Variants in HS6ST2 observed in about 807,000 individuals in gnomAD.
HS6ST2 encodes heparan-sulfate 6-O-sulfotransferase 2.
Under a neutral mutation model 33.0 loss-of-function variants are expected in HS6ST2, and 17 were observed. The ratio of observed to expected loss-of-function variants is 0.52; its 90% CI spans 0.35 to 0.77. The LOEUF (loss-of-function observed/expected upper bound fraction) is 0.77, where lower values mean the gene tolerates loss of function less well. HS6ST2 is among the 30% of genes least tolerant of loss of function. HS6ST2 has a pLI of 0.01. For synonymous variants in HS6ST2, 248 were observed against 237.1 expected (o/e 1.05, Z -0.42); for missense variants, 519 against 551.7 (o/e 0.94, Z 0.59).
intron 2 of HS6ST2, among the ~76,000 whole-genome samples, chrX:132,922,351 T>A (rs1001678327): frequency 1.3e-4 from 15 of 112,017 alleles, no homozygotes; most frequent in Admixed American, 1.9e-4. Flanking sequence ...TCACCTTGGC[T>A]CAACCAAAAA....
intron 2 of HS6ST2, among the ~76,000 whole-genome samples, chrX:132,722,187 C>CAAAAAAAAA (rs1217492848): frequency 2.3e-5 from 1 of 44,301 alleles, no homozygotes; most frequent in Non-Finnish European, 4.0e-5. Flanking sequence ...GACTCCGTCT[C>CAAAAAAAAA]AAAAAAAAAA....
intron 2 of HS6ST2, among the ~76,000 whole-genome samples, chrX:132,919,697 A>G (rs1406238055): frequency 1.8e-5 from 2 of 111,837 alleles, no homozygotes; most frequent in Non-Finnish European, 3.8e-5. Flanking sequence ...GTAAATGGCC[A>G]TTGGAAATCT....
At chrX:132,633,945 G>T (rs192199175) in intron 4 of HS6ST2, among the ~76,000 whole-genome samples, 5 of 111,281 alleles carry the variant, frequency 4.5e-5, no homozygotes, top group Admixed American at 9.6e-5. Context: ...TCTTAATGTG[G>T]CCTCAGATCA....
chrX:132,936,713 G>C (rs1012199201), intron 2 of HS6ST2, among the ~76,000 whole-genome samples: 3 of 111,457 alleles, frequency 2.7e-5, no homozygotes, highest in Non-Finnish European at 1.9e-5. Flanking sequence ...GGTGGAGACT[G>C]GGAGGAGGAT....
chrX:132,863,832 A>G (rs773487567), intron 2 of HS6ST2, among the ~76,000 whole-genome samples: 1 of 111,766 alleles, frequency 8.9e-6, no homozygotes, highest in Non-Finnish European at 1.9e-5. Context: ...CCCTAAAAAT[A>G]TCCATCAGTA....
At chrX:132,878,466 A>G (rs1310511479) in intron 2 of HS6ST2, among the ~76,000 whole-genome samples, 2 of 112,463 alleles carry the variant, frequency 1.8e-5, no homozygotes, top group Non-Finnish European at 3.8e-5. Context: ...CTATCTGCCT[A>G]GGGATTTGGC....
chrX:132,775,544 T>C (rs2064948979), intron 2 of HS6ST2, among the ~76,000 whole-genome samples: 1 of 111,981 alleles, frequency 8.9e-6, no homozygotes, highest in African/African-American at 3.2e-5. Context: ...AAAAGATTTC[T>C]TTATGAGACA....
intron 2 of HS6ST2, among the ~76,000 whole-genome samples, chrX:132,709,503 C>T (rs1422213600): frequency 3.6e-5 from 4 of 110,720 alleles, no homozygotes; most frequent in East Asian, 2.8e-4. Flanking sequence ...GTCTCTGGTG[C>T]GGTTAAGCCC....
rs184654472 is a variant in HS6ST2 at position 132,628,256 on chromosome X, G to A, written c.1905C>T (p.Asn635=). ...ATTTCTCTACACTGCCTATGTAGTC[G>A]TTGGTGCCATTGCTGGTGTTATCAT... ...EQNDNTSNGT[N]DYIGSVEKWR The change falls in exon 5 of 5, where the codon AAC becomes AAT. Residue 635 remains asparagine (N), a synonymous_variant. Coordinates refer to ENST00000370833, the MANE Select transcript of HS6ST2 (RefSeq NM_001394073.1). 2.7e-5 allele frequency: 32 copies of A among 1,164,828 alleles called. No homozygotes were observed. In the East Asian group the frequency reaches 7.2e-4, roughly 26 times the overall value.
intron 4 of HS6ST2, among the ~76,000 whole-genome samples, chrX:132,631,547 T>C (rs963449449): frequency 9.0e-6 from 1 of 110,787 alleles, no homozygotes; most frequent in African/African-American, 3.3e-5. Flanking sequence ...TGCATACTTA[T>C]TGAGCCTTTA....
intron 2 of HS6ST2, among the ~76,000 whole-genome samples, chrX:132,763,128 C>T (rs1178103728): frequency 8.9e-6 from 1 of 111,749 alleles, no homozygotes; most frequent in Admixed American, 9.5e-5. Context: ...GCTACAGGCT[C>T]GAATAACTGA....
chrX:132,649,912 G>C (rs899849511), intron 4 of HS6ST2, among the ~76,000 whole-genome samples: 5 of 108,906 alleles, frequency 4.6e-5, no homozygotes, highest in African/African-American at 1.7e-4. Flanking sequence ...AGGAAACCAA[G>C]ACTTAGAGAG....
intron 2 of HS6ST2, among the ~76,000 whole-genome samples, chrX:132,782,711 G>T (rs2148332895): frequency 9.0e-6 from 1 of 111,524 alleles, no homozygotes; most frequent in African/African-American, 3.3e-5. Context: ...TGCAGAGGTA[G>T]ATTTGAGATT....
At chrX:132,691,172 C>T (rs1319503795) in intron 3 of HS6ST2, among the ~76,000 whole-genome samples, 1 of 111,647 alleles carries the variant, frequency 9.0e-6, no homozygotes, top group African/African-American at 3.3e-5. Flanking sequence ...CTGCTAAGGA[C>T]CAGTCGAGGA....
chrX:132,746,430 G>A (rs1242798583), intron 2 of HS6ST2, among the ~76,000 whole-genome samples: 1 of 111,248 alleles, frequency 9.0e-6, no homozygotes. Context: ...GTGAACCCAG[G>A]AGGCAGAGCT....
At position 132,706,013 on chromosome X, in the gene HS6ST2, C is replaced by T. The variant is rs1000330685; in HGVS notation, c.980+2449G>A. On this transcript the variant is annotated intron_variant, in intron 3 of 4. Coordinates refer to ENST00000370833, the MANE Select transcript of HS6ST2 (RefSeq NM_001394073.1). ...AAAATAAGTTGAAACTATATGATTCCCAAACAACCAGTTATCATTCAAACT... is the reference window on the plus strand; with the variant it reads ...AAAATAAGTTGAAACTATATGATTCTCAAACAACCAGTTATCATTCAAACT... Among the ~76,000 whole-genome samples the T allele has an allele frequency of 1.3e-4, 14 of 110,840 alleles. No homozygotes were observed. The East Asian group carries it at 4.0e-3, about 31-fold the overall frequency.
At chrX:132,737,310 C>A in intron 2 of HS6ST2, among the ~76,000 whole-genome samples, 1 of 111,633 alleles carries the variant, frequency 9.0e-6, no homozygotes, top group East Asian at 2.8e-4. Flanking sequence ...TCACTTGGCC[C>A]CTTACGTATC....
At chrX:132,731,573 C>T (rs968238395) in intron 2 of HS6ST2, among the ~76,000 whole-genome samples, 2 of 111,118 alleles carry the variant, frequency 1.8e-5, no homozygotes, top group East Asian at 2.9e-4. Flanking sequence ...TCAGGCCAGG[C>T]GCAGTGGCTC....
intron 2 of HS6ST2, among the ~76,000 whole-genome samples, chrX:132,810,323 T>C (rs1377591701): frequency 9.2e-6 from 1 of 109,148 alleles, no homozygotes; most frequent in African/African-American, 3.3e-5. Context: ...GGAGGATTGC[T>C]TGAGCCTGTG....
Sources: allele counts gnomAD v4.1 joint callset (sites outside exome capture counted in the v4.1 genomes callset), GRCh38; gene constraint gnomAD v4.1.1; transcripts MANE v1.5; gene names NCBI Gene and HGNC (gene_info 2026-07-23, HGNC 2026-07-21).